The following IMMP2L variants were observed in gnomAD, a reference collection of about 807,000 sequenced individuals.
IMMP2L encodes the protein inner mitochondrial membrane peptidase subunit 2, also known as mitochondrial inner membrane protease subunit 2.
Under a neutral mutation model 19.3 loss-of-function variants are expected in IMMP2L, and 18 were observed. That is an observed-to-expected ratio of 0.93 (90% confidence interval 0.64 to 1.38). The LOEUF (loss-of-function observed/expected upper bound fraction) is 1.38, where lower values mean the gene tolerates loss of function less well. Among genes scored for constraint, IMMP2L ranks in the 40% most tolerant of loss-of-function variants. IMMP2L has a pLI of 0.00. For synonymous variants in IMMP2L, 76 were observed against 73.0 expected, an observed-to-expected ratio of 1.04 and a Z score of -0.21; for missense variants, 233 against 218.2, an observed-to-expected ratio of 1.07 and a Z score of -0.43.
At chr7:110,859,448 AAAATCTAG>A in intron 5 of IMMP2L, among the ~76,000 whole-genome samples, 1 of 152,002 alleles carries the variant, frequency 6.6e-6, no homozygotes, top group Non-Finnish European at 1.5e-5. Context: ...TTGTTAAATA[AAAATCTAG>A]TATGGGCTGT....
chr7:110,803,698 C>G lies in IMMP2L; in HGVS notation c.408+82895G>C, dbSNP rs1397116510. Among the ~76,000 whole-genome samples the G allele has an allele frequency of 6.6e-6, 1 of 152,014 alleles. No individual in the cohort carries two copies. The highest frequency in any genetic ancestry group is 2.4e-5 in the African/African-American group (1 of 41,428). ...CAGCTCCCTGTAGCCAAGGGCAAGT[C>G]CTGATGGGCTGACAGGCTATCCCCT... is the stretch of plus-strand genomic sequence containing the variant. On this transcript the variant is annotated intron_variant, in intron 5 of 5. Coordinates refer to ENST00000405709, the MANE Select transcript of IMMP2L (RefSeq NM_032549.4). The surrounding 1 kb of genome is among the most constrained non-coding windows in gnomAD (Gnocchi z 4.2).
intron 3 of IMMP2L, among the ~76,000 whole-genome samples, chr7:111,081,429 T>C (rs1795880821): frequency 6.6e-6 from 1 of 152,218 alleles, no homozygotes; most frequent in African/African-American, 2.4e-5. Context: ...ATTGTGCCTG[T>C]TTCTAGATTT....
rs541763816 is a variant in IMMP2L at position 110,932,499 on chromosome 7, G to A, written c.305+31001C>T. On this transcript the variant is annotated intron_variant, in intron 4 of 5. Coordinates refer to ENST00000405709, the MANE Select transcript of IMMP2L (RefSeq NM_032549.4). ...CTCCTGAGTAGCTGGGACTACAGGC[G>A]CCCACTACCATGCCAGGTGATTTTT... Among the ~76,000 whole-genome samples the A allele has an allele frequency of 2.6e-5, 4 of 152,082 alleles. No individual in the cohort carries two copies. The East Asian group carries it at 5.8e-4, about 22-fold the overall frequency.
chr7:110,696,383 G>A (rs184877187), intron 5 of IMMP2L, among the ~76,000 whole-genome samples: 23 of 151,036 alleles, frequency 1.5e-4, no homozygotes, highest in Admixed American at 1.5e-3. Flanking sequence ...AGTATTCCAG[G>A]TAAGAGGGAA....
chr7:111,215,999 T>C (rs930469900), intron 3 of IMMP2L, among the ~76,000 whole-genome samples: 1 of 152,196 alleles, frequency 6.6e-6, no homozygotes, highest in Non-Finnish European at 1.5e-5. Flanking sequence ...ACTTGTTAAG[T>C]CATGTATGGC....
At chr7:111,337,451 AGGATGGATGGATGGATGGAT>A (rs140122085) in intron 3 of IMMP2L, among the ~76,000 whole-genome samples, 4,000 of 148,860 alleles carry the variant, frequency 0.027, 203 homozygotes, top group African/African-American at 0.093. Context: ...TTTGGATGGA[AGGATGGATGGATGGATGGAT>A]GGATGGATGG....
chr7:111,148,662 C>T (rs746689456), intron 3 of IMMP2L, among the ~76,000 whole-genome samples: 42 of 151,896 alleles, frequency 2.8e-4, no homozygotes, highest in Admixed American at 4.6e-4. Flanking sequence ...GGACACTTCA[C>T]AGATTTATTT....
intron 5 of IMMP2L, among the ~76,000 whole-genome samples, chr7:110,799,152 T>C (rs946246477): frequency 8.6e-5 from 13 of 152,022 alleles, no homozygotes; most frequent in African/African-American, 3.1e-4. Flanking sequence ...TAGCCCGAGC[T>C]GGGTAGTAGT....
chr7:111,342,331 C>T (rs569476954), intron 3 of IMMP2L, among the ~76,000 whole-genome samples: 16 of 152,102 alleles, frequency 1.1e-4, no homozygotes, highest in African/African-American at 2.7e-4. Flanking sequence ...CAGTGGCTCA[C>T]GCCTGTAATC....
At chr7:111,538,941 G>A (rs1044645975) in intron 1 of IMMP2L, among the ~76,000 whole-genome samples, 4 of 150,656 alleles carry the variant, frequency 2.7e-5, no homozygotes, top group Non-Finnish European at 5.9e-5. Flanking sequence ...CCAACATGGT[G>A]AAACCCCGTC....
At chr7:111,114,641 C>T (rs1799639609) in intron 3 of IMMP2L, among the ~76,000 whole-genome samples, 1 of 149,100 alleles carries the variant, frequency 6.7e-6, no homozygotes, top group South Asian at 2.1e-4. Context: ...GAGGCTGAGG[C>T]AGGAGAATTG....
chr7:111,062,608 G>A (rs1381647443), intron 3 of IMMP2L, among the ~76,000 whole-genome samples: 4 of 152,176 alleles, frequency 2.6e-5, no homozygotes, highest in Non-Finnish European at 5.9e-5. Context: ...AGTCCCTTCT[G>A]CCTATGAGCC....
intron 3 of IMMP2L, among the ~76,000 whole-genome samples, chr7:111,184,994 C>G (rs1052368585): frequency 1.1e-4 from 16 of 152,160 alleles, no homozygotes; most frequent in African/African-American, 3.9e-4. Context: ...AGCAAGAAAT[C>G]TCTTTCGAGA....
At chr7:110,897,466 T>G (rs1292732377) in intron 4 of IMMP2L, among the ~76,000 whole-genome samples, 1 of 152,144 alleles carries the variant, frequency 6.6e-6, no homozygotes, top group East Asian at 1.9e-4. Flanking sequence ...GGCATAGGTA[T>G]AGGAAACATG....
chr7:111,443,777 A>G lies in IMMP2L; in HGVS notation c.239+43461T>C, dbSNP rs762528019. Among the ~76,000 whole-genome samples, 32 of 152,260 alleles carry G rather than the reference A, an allele frequency of 2.1e-4. No individual in the cohort carries two copies. The Middle Eastern group carries it at 0.01, about 49-fold the overall frequency. On this transcript the variant is annotated intron_variant, in intron 3 of 5. Transcript: ENST00000405709. ...CCTATTTTTAAATGTGGGGATCACT[A>G]AGTATCTTTAAACTTAGTGTATTTT...
Position 110,699,144 on chromosome 7 carries a change from C to T in IMMP2L, c.409-35423G>A, listed in dbSNP as rs148281937. 1.2e-3 allele frequency among the ~76,000 whole-genome samples: 182 copies of T among 152,276 alleles called. 1 individual carries two copies. Among genetic ancestry groups the T allele is most frequent in the African/African-American group, 4.2e-3 (176 of 41,572 alleles). ...GTTATTCTTCCCCATAACTCCTCTA[C>T]CTATTCTTTCTTCCCTGCCTCAGAT... is the stretch of plus-strand genomic sequence containing the variant. On this transcript the variant is annotated intron_variant, in intron 5 of 5. Transcript: ENST00000405709.
chr7:111,303,941 C>A (rs1482322643), intron 3 of IMMP2L, among the ~76,000 whole-genome samples: 2 of 151,614 alleles, frequency 1.3e-5, no homozygotes, highest in Non-Finnish European at 2.9e-5. Context: ...AATAAAATAC[C>A]CTATTGAATA....
intron 3 of IMMP2L, among the ~76,000 whole-genome samples, chr7:111,110,640 T>C (rs908086983): frequency 2.0e-5 from 3 of 152,162 alleles, no homozygotes; most frequent in East Asian, 1.9e-4. Context: ...CATATAAGTA[T>C]AGAATACAAA....
chr7:110,863,177 C>G (rs931048054), intron 5 of IMMP2L, among the ~76,000 whole-genome samples: 3 of 152,150 alleles, frequency 2.0e-5, no homozygotes, highest in African/African-American at 7.2e-5. Context: ...CAGCTCTTGT[C>G]AACCTCCAAA....
Sources: gnomAD v4.1 joint callset for allele counts (sites outside exome capture counted in the v4.1 genomes callset) on GRCh38, gnomAD v4.1.1 for gene constraint, Gnocchi (gnomAD v3.1) non-coding constraint, MANE v1.5 for transcripts, NCBI Gene and HGNC (gene_info 2026-07-23, HGNC 2026-07-21) for gene names.